CACNA2D3: variants seen among roughly 807,000 people sequenced by gnomAD.
The protein encoded by CACNA2D3 is voltage-dependent calcium channel subunit alpha-2/delta-3.
CACNA2D3 carries 60 observed loss-of-function variants against 160.6 expected under a neutral mutation model. The observed-to-expected ratio is 0.37, with a 90% CI of 0.30 to 0.46. The LOEUF is 0.46. Ranked by LOEUF, CACNA2D3 falls within the 20% of genes least tolerant of loss-of-function variation. CACNA2D3 has a pLI of 1.00. For synonymous variants in CACNA2D3, 558 were observed against 492.9 expected (o/e 1.13, Z -1.75); for missense variants, 1,205 against 1,365.0 (o/e 0.88, Z 1.85).
At position 54,601,069 on chromosome 3, in the gene CACNA2D3, A is replaced by G. The variant is rs117429755; in HGVS notation, c.963+19192A>G. On this transcript the variant is annotated intron_variant, in intron 9 of 37. Coordinates refer to ENST00000474759, the MANE Select transcript of CACNA2D3 (RefSeq NM_018398.3). ...CCACATTTCCATTGTTAGACACACT[A>G]TGCTGGAGGAGACTTGGTCGACATT... is the stretch of plus-strand genomic sequence containing the variant. 1.2e-3 allele frequency among the ~76,000 whole-genome samples: 186 copies of G among 152,310 alleles called. 4 individuals are homozygous for G. The East Asian group carries it at 0.035, about 29-fold the overall frequency.
At chr3:54,131,138 C>T (rs1019922751) in intron 2 of CACNA2D3, among the ~76,000 whole-genome samples, 9 of 152,204 alleles carry the variant, frequency 5.9e-5, no homozygotes, top group Admixed American at 5.2e-4. Flanking sequence ...CATTGAGCTT[C>T]TGTGGGGCCT....
At chr3:54,508,857 G>C (rs1701412897) in intron 5 of CACNA2D3, among the ~76,000 whole-genome samples, 1 of 152,200 alleles carries the variant, frequency 6.6e-6, no homozygotes, top group African/African-American at 2.4e-5. Context: ...GGGAAGACCT[G>C]TAACCACCAC....
intron 11 of CACNA2D3, among the ~76,000 whole-genome samples, chr3:54,704,453 C>CTT (rs35317675): frequency 7.1e-6 from 1 of 140,928 alleles, no homozygotes; most frequent in African/African-American, 2.6e-5. Context: ...ATTTTTCCCT[C>CTT]TTTTTTTTAA....
At position 54,856,816 on chromosome 3, in the gene CACNA2D3, T is replaced by C. The variant is rs1014388907; in HGVS notation, c.1626+10349T>C. Among the ~76,000 whole-genome samples, 6 of 152,320 alleles carry C rather than the reference T, an allele frequency of 3.9e-5. No individual in the cohort carries two copies. In the East Asian group the frequency reaches 1.2e-3, roughly 29 times the overall value. On this transcript the variant is annotated intron_variant, in intron 17 of 37. Coordinates refer to ENST00000474759, the MANE Select transcript of CACNA2D3 (RefSeq NM_018398.3). ...TTGTTTTTGAGACAGAATTTCACTT[T>C]GTTGCCCAGGCTGGAGTGCAGTGGC...
chr3:54,177,447 C>T (rs572322993), intron 2 of CACNA2D3, among the ~76,000 whole-genome samples: 1 of 152,290 alleles, frequency 6.6e-6, no homozygotes, highest in South Asian at 2.1e-4. Flanking sequence ...GGTTGCTGCC[C>T]ATCCAGGAGC....
Position 54,187,790 on chromosome 3 carries a change from A to G in CACNA2D3, c.204+64196A>G, listed in dbSNP as rs185138806. Among the ~76,000 whole-genome samples, 454 of 152,238 alleles carry G rather than the reference A, an allele frequency of 3.0e-3. 2 individuals carry two copies. The highest frequency in any genetic ancestry group is 0.01 in the African/African-American group (416 of 41,542). ...GAATCCCTCGCATGCACAGTTCACA[A>G]TAGGGCTCATGCTGCTATGAGAATC... is the stretch of plus-strand genomic sequence containing the variant. On this transcript the variant is annotated intron_variant, in intron 2 of 37. Transcript: ENST00000474759.
At chr3:54,464,910 C>T (rs1330301634) in intron 4 of CACNA2D3, among the ~76,000 whole-genome samples, 1 of 152,182 alleles carries the variant, frequency 6.6e-6, no homozygotes, top group Admixed American at 6.5e-5. Context: ...CCTATTTGGC[C>T]ATCTTCTCCT....
At chr3:54,203,377 T>A (rs534882084) in intron 2 of CACNA2D3, among the ~76,000 whole-genome samples, 2 of 152,216 alleles carry the variant, frequency 1.3e-5, no homozygotes, top group African/African-American at 4.8e-5. Context: ...TAGGGGTGAA[T>A]GTTTACAGCT....
rs1208005552 is a variant in CACNA2D3, at chr3:54,398,010, G to A, written c.381+11236G>A. Among the ~76,000 whole-genome samples the A allele has an allele frequency of 2.8e-3, 9 of 3,200 alleles. 1 individual carries two copies. Among genetic ancestry groups the A allele is most frequent in the South Asian group, 0.026 (2 of 76 alleles). The allele number at this position is 3,200 out of a possible 152,430, so 2.1% of individuals were successfully genotyped here. The stretch of plus-strand genomic sequence containing the variant: ...ATGAATCTGGGTGCTCCTGTATTGG[G>A]TGCATAAATATTTAGGATAGTTAGC... On this transcript the variant is annotated intron_variant, in intron 4 of 37. Coordinates refer to ENST00000474759, the MANE Select transcript of CACNA2D3 (RefSeq NM_018398.3).
intron 2 of CACNA2D3, among the ~76,000 whole-genome samples, chr3:54,254,317 T>C (rs9847950): frequency 0.41 from 62,234 of 151,912 alleles, 12,813 homozygotes; most frequent in African/African-American, 0.42. Flanking sequence ...TACAATCCAG[T>C]GCTTCCTCCC....
At chr3:54,336,113 C>A (rs909080420) in intron 3 of CACNA2D3, among the ~76,000 whole-genome samples, 1 of 151,880 alleles carries the variant, frequency 6.6e-6, no homozygotes, top group Admixed American at 6.6e-5. Context: ...CTCAGAATCC[C>A]AGGAGACTTG....
At chr3:54,951,720 A>G (rs1701762720) in intron 27 of CACNA2D3, among the ~76,000 whole-genome samples, 1 of 152,196 alleles carries the variant, frequency 6.6e-6, no homozygotes, top group African/African-American at 2.4e-5. Context: ...CCTTTTCTTT[A>G]ATGGAGAAAA....
At chr3:54,346,506 C>T (rs1698460797) in intron 3 of CACNA2D3, among the ~76,000 whole-genome samples, 5 of 152,264 alleles carry the variant, frequency 3.3e-5, no homozygotes. Flanking sequence ...TTTTTCTTCT[C>T]ATGTGGTCTT....
chr3:54,451,241 T>A (rs1171045265), intron 4 of CACNA2D3, among the ~76,000 whole-genome samples: 1 of 109,410 alleles, frequency 9.1e-6, no homozygotes, highest in African/African-American at 3.7e-5. Flanking sequence ...TTTTTTTTTT[T>A]TTTTTTTTTT....
At position 54,730,976 on chromosome 3, in the gene CACNA2D3, A is replaced by G. The variant is rs577312268; in HGVS notation, c.1168-21623A>G. Among the ~76,000 whole-genome samples the G allele has an allele frequency of 5.3e-5, 8 of 152,358 alleles. No individual in the cohort carries two copies. In the South Asian group the frequency reaches 1.7e-3, roughly 32 times the overall value. On this transcript the variant is annotated intron_variant, in intron 11 of 37. Coordinates refer to ENST00000474759, the MANE Select transcript of CACNA2D3 (RefSeq NM_018398.3). ...CAAGAGATCAAGTAACAATGTCATC[A>G]TAATGAGAAAGATGGGGAACTGTGC...
chr3:54,305,504 G>C (rs1183035688), intron 2 of CACNA2D3, among the ~76,000 whole-genome samples: 3 of 152,200 alleles, frequency 2.0e-5, no homozygotes, highest in Admixed American at 2.0e-4. Context: ...AAAATTTTAT[G>C]TATATGTTTA....
At chr3:54,935,826 A>G (rs541317389) in intron 27 of CACNA2D3, among the ~76,000 whole-genome samples, 3 of 152,338 alleles carry the variant, frequency 2.0e-5, no homozygotes, top group South Asian at 2.1e-4. Context: ...GGTTTGTTCT[A>G]TATGAGTTCT....
At chr3:54,128,780 G>A (rs990797949) in intron 2 of CACNA2D3, among the ~76,000 whole-genome samples, 1 of 152,178 alleles carries the variant, frequency 6.6e-6, no homozygotes. Context: ...ACTGTGATTT[G>A]ACTTAGAGGT....
intron 30 of CACNA2D3, 95 bp downstream of exon 30, chr3:54,984,765 A>G (rs1702579993): frequency 1.3e-6 from 1 of 760,738 alleles, no homozygotes; most frequent in East Asian, 2.7e-5. Flanking sequence ...GGAGACAATG[A>G]TCTTTATTTA....
Sources: gnomAD v4.1 joint callset for allele counts (sites outside exome capture counted in the v4.1 genomes callset) on GRCh38, gnomAD v4.1.1 for gene constraint, MANE v1.5 for transcripts, NCBI Gene and HGNC (gene_info 2026-07-23, HGNC 2026-07-21) for gene names.